The following CCDC191 variants were observed in gnomAD, a reference collection of about 807,000 sequenced individuals.
The protein encoded by CCDC191 is coiled-coil domain containing 191.
CCDC191 carries 99 observed loss-of-function variants against 114.0 expected under a neutral mutation model. The ratio of observed to expected loss-of-function variants is 0.87; its 90% confidence interval spans 0.74 to 1.03. The LOEUF is 1.03. Among genes scored for constraint, CCDC191 ranks in the 50% least tolerant of loss-of-function variants. The pLI, the probability that CCDC191 is intolerant of heterozygous loss-of-function variation, is 0.00. For missense variants in CCDC191, 973 were observed against 1,087.0 expected (o/e 0.90, Z 1.47); for synonymous variants, 351 against 376.0 (o/e 0.93, Z 0.77).
At chr3:114,053,411 A>G (rs1294258148) in intron 2 of CCDC191, among the ~76,000 whole-genome samples, 186 bp downstream of exon 2, 2 of 152,222 alleles carry the variant, frequency 1.3e-5, no homozygotes, top group Non-Finnish European at 1.5e-5. Context: ...CTTAAATGGT[A>G]TCATGAGAGG....
chr3:114,025,525 C>T (rs1430709516), intron 7 of CCDC191, among the ~76,000 whole-genome samples: 2 of 152,126 alleles, frequency 1.3e-5, no homozygotes, highest in Non-Finnish European at 1.5e-5. Context: ...GATAATATTG[C>T]TGTAATTATC....
At chr3:113,978,435 A>C in intron 15 of CCDC191, 104 bp from the exon 16 acceptor site, 1 of 1,155,842 alleles carries the variant, frequency 8.7e-7, no homozygotes, top group Non-Finnish European at 1.2e-6. Flanking sequence ...AAAGAAACAA[A>C]TGACACTAGA....
At chr3:114,026,811 T>G (rs921245339) in intron 7 of CCDC191, among the ~76,000 whole-genome samples, 1 of 152,226 alleles carries the variant, frequency 6.6e-6, no homozygotes, top group African/African-American at 2.4e-5. Flanking sequence ...TCATTATTAT[T>G]TTATTCTTTA....
chr3:114,002,997 TATAAGA>T (rs1283898754), intron 11 of CCDC191: 25 of 985,214 alleles, frequency 2.5e-5, no homozygotes, highest in Non-Finnish European at 3.0e-5. Context: ...TGTCTGTATA[TATAAGA>T]ATAACAACAA....
At position 113,983,677 on chromosome 3, in the gene CCDC191, T is replaced by C. The variant is rs2075253081; in HGVS notation, c.2164-2884A>G. The stretch of plus-strand genomic sequence containing the variant: ...GCAGGGCTGTTATCTGTCTTCTTCA[T>C]TGCTACATTCTAACATCTACGTAAG... On this transcript the variant is annotated intron_variant, in intron 13 of 16. Coordinates refer to ENST00000295878, the MANE Select transcript of CCDC191 (RefSeq NM_020817.2). Among the ~76,000 whole-genome samples, 7 of 152,246 alleles carry C rather than the reference T, an allele frequency of 4.6e-5. No individual in the cohort carries two copies. The South Asian group carries it at 1.4e-3, about 32-fold the overall frequency.
At chr3:113,993,987 T>C (rs534547312) in intron 13 of CCDC191, among the ~76,000 whole-genome samples, 1 of 152,300 alleles carries the variant, frequency 6.6e-6, no homozygotes, top group South Asian at 2.1e-4. Flanking sequence ...CTGAATGACT[T>C]TGAGTTTGGT....
chr3:114,054,969 GT>G (rs2076748663), intron 1 of CCDC191, among the ~76,000 whole-genome samples: 2 of 151,684 alleles, frequency 1.3e-5, no homozygotes, highest in Admixed American at 1.3e-4. Flanking sequence ...GGCGTTCCCA[GT>G]TCATGAATTG....
intron 9 of CCDC191, among the ~76,000 whole-genome samples, chr3:114,007,781 T>C (rs537170726): frequency 6.6e-6 from 1 of 152,192 alleles, no homozygotes; most frequent in Admixed American, 6.5e-5. Flanking sequence ...ACAGTTTGTG[T>C]GTTCTTAGTA....
chr3:114,049,000 G>C (rs926861191), intron 2 of CCDC191, among the ~76,000 whole-genome samples: 1 of 152,222 alleles, frequency 6.6e-6, no homozygotes, highest in Non-Finnish European at 1.5e-5. Flanking sequence ...AAGACTGGTG[G>C]AACCTCTGCC....
In CCDC191 at chr3:114,031,500, C is replaced by T. The variant is rs559965546; in HGVS notation, c.972+126G>A. On this transcript the variant is annotated intron_variant, in intron 7 of 16. Transcript: ENST00000295878. Reference sequence around the variant, plus strand: ...TCAGCTGGGCACAAAGAACAAATGGCGTGGGCAGTTTTGGTATTTGTGATG... The same window carrying T: ...TCAGCTGGGCACAAAGAACAAATGGTGTGGGCAGTTTTGGTATTTGTGATG... 5.3e-6 allele frequency: 4 copies of T among 755,912 alleles called. No individual in the cohort carries two copies. The Admixed American group carries it at 9.5e-5, about 18-fold the overall frequency. 46.8% of individuals were successfully genotyped at this position (755,912 alleles called of 1,614,324 possible).
intron 16 of CCDC191, among the ~76,000 whole-genome samples, chr3:113,970,088 G>T (rs919064835): frequency 6.6e-6 from 1 of 152,014 alleles, no homozygotes; most frequent in Non-Finnish European, 1.5e-5. Flanking sequence ...TGGTTCCCAG[G>T]TATTTTATTT....
chr3:113,979,424 T>G (rs941859484), intron 14 of CCDC191, among the ~76,000 whole-genome samples: 1 of 152,228 alleles, frequency 6.6e-6, no homozygotes, highest in African/African-American at 2.4e-5. Context: ...GCCAATACTT[T>G]CAATTAGTGT....
chr3:114,018,264 A>G (rs1212946596), intron 8 of CCDC191, among the ~76,000 whole-genome samples: 2 of 152,246 alleles, frequency 1.3e-5, no homozygotes, highest in African/African-American at 2.4e-5. Context: ...ACTACACCAG[A>G]ACACAAGGGA....
At chr3:114,047,520 G>A (rs969830502) in intron 2 of CCDC191, among the ~76,000 whole-genome samples, 9 of 152,058 alleles carry the variant, frequency 5.9e-5, no homozygotes, top group African/African-American at 1.4e-4. Context: ...AAAATTAGCC[G>A]GGTGTGGTTG....
chr3:114,027,594 T>C (rs2076339687), intron 7 of CCDC191, among the ~76,000 whole-genome samples: 1 of 121,166 alleles, frequency 8.3e-6, no homozygotes, highest in Non-Finnish European at 1.6e-5. Context: ...AGGGCAAGAC[T>C]CTGTCTCAAA....
intron 4 of CCDC191, chr3:114,037,223 C>T (rs1235179772): frequency 6.6e-6 from 1 of 152,192 alleles, no homozygotes; most frequent in African/African-American, 2.4e-5. Flanking sequence ...AAACCATCAC[C>T]ACAGTCAAGA....
intron 7 of CCDC191, among the ~76,000 whole-genome samples, chr3:114,028,354 C>T (rs966276298): frequency 1.4e-5 from 2 of 146,454 alleles, no homozygotes; most frequent in African/African-American, 5.1e-5. Context: ...GGCATGATCT[C>T]GGCTCACTGC....
chr3:114,042,794 T>C lies in CCDC191; in HGVS notation c.324A>G (p.Ala108=), dbSNP rs1212611903. 3.2e-5 allele frequency: 51 copies of C among 1,601,920 alleles called. No individual in the cohort carries two copies. Among genetic ancestry groups the C allele is most frequent in the Non-Finnish European group, 4.3e-5 (51 of 1,175,726 alleles). Residue 108 remains alanine, a synonymous_variant, in exon 4 of 17, where the codon GCA becomes GCG. Transcript: ENST00000295878. Reference sequence around the variant, plus strand: ...TTTTAGCATCACCTTCTTCCTCACTTGCTAATTCTTGCTTAAGTTTGGTGT... The same window carrying C: ...TTTTAGCATCACCTTCTTCCTCACTCGCTAATTCTTGCTTAAGTTTGGTGT... ...WLDTKLKQEL[A]SEEEGDAKNT... is the part of the protein sequence containing the mutation.
intron 11 of CCDC191, chr3:114,004,417 G>T: frequency 9.1e-7 from 1 of 1,102,216 alleles, no homozygotes; most frequent in Non-Finnish European, 1.1e-6. Flanking sequence ...TGTGTGTGTT[G>T]GCTGGGAATG....
Sources: gnomAD v4.1 joint callset for allele counts (sites outside exome capture counted in the v4.1 genomes callset) on GRCh38, gnomAD v4.1.1 for gene constraint, MANE v1.5 for transcripts, NCBI Gene and HGNC (gene_info 2026-07-23, HGNC 2026-07-21) for gene names.